The following ORC5 variants were observed in gnomAD, a reference collection of about 807,000 sequenced individuals.
The protein encoded by ORC5 is protein phosphatase 1, regulatory subunit 117.
In ORC5, 39 loss-of-function variants were observed where a neutral mutation model predicts 58.8. That is an observed-to-expected ratio of 0.66 (90% CI 0.51 to 0.87). ORC5 has a LOEUF of 0.87. Among genes scored for constraint, ORC5 ranks in the 40% least tolerant of loss-of-function variants. ORC5 has a pLI of 0.00. For synonymous variants in ORC5, 218 were observed against 177.6 expected, an observed-to-expected ratio of 1.23 and a Z score of -1.81; for missense variants, 493 against 506.3, an observed-to-expected ratio of 0.97 and a Z score of 0.25.
chr7:104,193,534 G>A, intron 5 of ORC5, among the ~76,000 whole-genome samples: 1 of 152,056 alleles, frequency 6.6e-6, no homozygotes, highest in Non-Finnish European at 1.5e-5. Context: ...ACTGCTAAGA[G>A]GAGAGCGGTC....
chr7:104,188,914 G>A (rs975248619), intron 5 of ORC5, among the ~76,000 whole-genome samples: 2 of 152,094 alleles, frequency 1.3e-5, no homozygotes, highest in African/African-American at 2.4e-5. Flanking sequence ...ATGTGAAGAT[G>A]TGTTTGCTTC....
intron 8 of ORC5, among the ~76,000 whole-genome samples, chr7:104,173,895 A>G (rs1799266101): frequency 7.6e-6 from 1 of 130,984 alleles, no homozygotes. Context: ...CCCAGGCTGG[A>G]GTGCAGTGGC....
chr7:104,188,324 T>C lies in ORC5; in HGVS notation c.611A>G (p.Tyr204Cys), dbSNP rs200056525. The change falls in exon 6 of 14, where the codon TAT (tyrosine) becomes TGT (cysteine). Residue 204 changes from tyrosine to cysteine, a missense_variant. Tyr to Cys is a radical substitution (Grantham distance 194). Transcript: ENST00000297431. ...AAGAAGAATGTTAATGTAGGCAGCA[T>C]AGAAATCAGCTGAATACTCTGGAGG... is the stretch of plus-strand genomic sequence containing the variant. ...DHPPEYSADF[Y>C]AAYINILLGV... 37 of 1,612,044 alleles carry C rather than the reference T, an allele frequency of 2.3e-5. No homozygotes were observed. The highest frequency in any genetic ancestry group is 3.1e-5 in the Non-Finnish European group (36 of 1,178,518).
chr7:104,186,321 C>T (rs535895494), intron 6 of ORC5, among the ~76,000 whole-genome samples: 18 of 152,030 alleles, frequency 1.2e-4, no homozygotes, highest in South Asian at 8.3e-4. Flanking sequence ...TCAGGTTCTG[C>T]GGAGTTGATC....
At chr7:104,173,137 A>G (rs932715406) in intron 8 of ORC5, among the ~76,000 whole-genome samples, 1 of 152,202 alleles carries the variant, frequency 6.6e-6, no homozygotes, top group Non-Finnish European at 1.5e-5. Flanking sequence ...TGAAAAAACC[A>G]TAACCTTGCA....
At chr7:104,159,999 CT>C (rs1798996970) in intron 12 of ORC5, among the ~76,000 whole-genome samples, 1 of 152,064 alleles carries the variant, frequency 6.6e-6, no homozygotes, top group African/African-American at 2.4e-5. Flanking sequence ...AACTGAATTA[CT>C]TTTTTAAAGT....
intron 12 of ORC5, among the ~76,000 whole-genome samples, chr7:104,154,430 T>A (rs905678776): frequency 2.0e-5 from 3 of 152,048 alleles, no homozygotes; most frequent in Non-Finnish European, 4.4e-5. Context: ...TACTTATTAG[T>A]ATTCACTTTA....
At chr7:104,207,470 A>T (rs1800118155) in intron 1 of ORC5, among the ~76,000 whole-genome samples, 1 of 152,200 alleles carries the variant, frequency 6.6e-6, no homozygotes, top group Non-Finnish European at 1.5e-5. Flanking sequence ...AAACGTGTGA[A>T]CTTACATTTG....
chr7:104,141,087 A>C (rs1217649019), intron 12 of ORC5, among the ~76,000 whole-genome samples: 1 of 152,242 alleles, frequency 6.6e-6, no homozygotes, highest in Non-Finnish European at 1.5e-5. Flanking sequence ...ATAAGCTGTG[A>C]TCACAGCTAA....
intron 13 of ORC5, among the ~76,000 whole-genome samples, chr7:104,132,740 G>C (rs1461670077): frequency 6.6e-6 from 1 of 152,172 alleles, no homozygotes; most frequent in Non-Finnish European, 1.5e-5. Context: ...ATTCTAGAAA[G>C]AAAGATGAAC....
At chr7:104,141,120 T>C (rs1798666664) in intron 12 of ORC5, among the ~76,000 whole-genome samples, 1 of 152,194 alleles carries the variant, frequency 6.6e-6, no homozygotes, top group African/African-American at 2.4e-5. Flanking sequence ...CTAACAGATG[T>C]ATTATACTCC....
chr7:104,176,957 C>T (rs529103244), intron 8 of ORC5, among the ~76,000 whole-genome samples: 1 of 152,284 alleles, frequency 6.6e-6, no homozygotes, highest in South Asian at 2.1e-4. Flanking sequence ...GTTTGTGTAA[C>T]TCTTTGATAA....
At chr7:104,181,630 G>A (rs918132130) in intron 8 of ORC5, among the ~76,000 whole-genome samples, 13 of 147,960 alleles carry the variant, frequency 8.8e-5, no homozygotes, top group African/African-American at 7.4e-5. Flanking sequence ...CTAAAAATAC[G>A]AAAAAAAAAA....
intron 5 of ORC5, among the ~76,000 whole-genome samples, chr7:104,194,450 C>T (rs1007453336): frequency 5.5e-4 from 83 of 152,084 alleles, no homozygotes; most frequent in Admixed American, 9.2e-4. Context: ...TGTATGACAG[C>T]CCAGTCTTAA....
intron 12 of ORC5, among the ~76,000 whole-genome samples, chr7:104,139,152 T>C (rs1442576414): frequency 2.0e-5 from 3 of 152,228 alleles, no homozygotes; most frequent in Non-Finnish European, 4.4e-5. Flanking sequence ...AAACTATCTG[T>C]AATACCTAAT....
chr7:104,127,371 C>T (rs1257605737), intron 13 of ORC5, among the ~76,000 whole-genome samples: 1 of 152,176 alleles, frequency 6.6e-6, no homozygotes, highest in Admixed American at 6.5e-5. Flanking sequence ...TTAACGCTGG[C>T]TGACCTGTGT....
chr7:104,138,115 C>T lies in ORC5; in HGVS notation c.1150-1222G>A, dbSNP rs1432024171. ...AGCAGCGGGACACTGAAGAAGCAAG[C>T]CACTACCCCTGGAAGGGGGACAAGG... On this transcript the variant is annotated intron_variant, in intron 12 of 13. Transcript: ENST00000297431. The surrounding 1 kb of genome is among the most constrained non-coding windows in gnomAD (Gnocchi z 4.7). 1.3e-5 allele frequency among the ~76,000 whole-genome samples: 2 copies of T among 152,192 alleles called. No homozygotes were observed. The highest frequency in any genetic ancestry group is 1.3e-4 in the Admixed American group (2 of 15,286).
At chr7:104,127,020 C>A (rs1236508425) in intron 13 of ORC5, 127 bp from the exon 14 acceptor site, 2 of 567,726 alleles carry the variant, frequency 3.5e-6, no homozygotes, top group Non-Finnish European at 6.3e-6. Context: ...CTATCAAATG[C>A]ACCCTGATAG....
At position 104,138,043 on chromosome 7, in the gene ORC5, T is replaced by C. The variant is rs1798618399; in HGVS notation, c.1150-1150A>G. Among the ~76,000 whole-genome samples, 1 of 152,152 alleles carries C rather than the reference T, an allele frequency of 6.6e-6. No homozygotes were observed. Among genetic ancestry groups the C allele is most frequent in the Admixed American group, 6.5e-5 (1 of 15,278 alleles). ...TTCATCCCTAGATGCGGCCGTGAGA[T>C]TGGAGCCCCACAACCTGCCCGTCTG... is the stretch of plus-strand genomic sequence containing the variant. On this transcript the variant is annotated intron_variant, in intron 12 of 13. Transcript: ENST00000297431. This position sits in a 1 kb window ranked among gnomAD's most constrained non-coding sequence, Gnocchi z 4.7.
Sources: allele counts gnomAD v4.1 joint callset (sites outside exome capture counted in the v4.1 genomes callset), GRCh38; gene constraint gnomAD v4.1.1; non-coding constraint Gnocchi (gnomAD v3.1); transcripts MANE v1.5; gene names NCBI Gene and HGNC (gene_info 2026-07-23, HGNC 2026-07-21).